Variants in RGS3 observed in about 807,000 individuals in gnomAD.
RGS3 encodes the protein regulator of G-protein signalling 3.
Under a neutral mutation model 132.6 loss-of-function variants are expected in RGS3, and 80 were observed. That is an observed-to-expected ratio of 0.60 (90% CI 0.50 to 0.73). The LOEUF is 0.73. RGS3 is among the 30% of genes least tolerant of loss of function. The probability of loss-of-function intolerance (pLI) is 0.00; values close to 1 mark genes in which losing one functional copy is unlikely to be tolerated. For missense variants in RGS3, 1,382 were observed against 1,530.8 expected (o/e 0.90, Z 1.62); for synonymous variants, 598 against 620.6 (o/e 0.96, Z 0.54).
intron 4 of RGS3, among the ~76,000 whole-genome samples, chr9:113,482,061 C>CA (rs966252374): frequency 1.1e-4 from 16 of 145,612 alleles, no homozygotes; most frequent in Admixed American, 2.0e-4. Flanking sequence ...AAAAAAAAAA[C>CA]AAAAAAAACA....
chr9:113,484,229 T>G, exon 6 of RGS3: 1 of 1,600,546 alleles, frequency 6.2e-7, no homozygotes. Flanking sequence ...GAGCACTTCT[T>G]CTTGTAAGAG....
intron 3 of RGS3, among the ~76,000 whole-genome samples, chr9:113,474,559 G>A (rs1481522555): frequency 6.6e-6 from 1 of 152,124 alleles, no homozygotes; most frequent in Non-Finnish European, 1.5e-5. Context: ...CATCTGGCTG[G>A]GCACCCTCCC....
intron 19 of RGS3, among the ~76,000 whole-genome samples, chr9:113,556,248 T>A (rs992736931): frequency 1.3e-5 from 2 of 152,204 alleles, no homozygotes; most frequent in African/African-American, 4.8e-5. Flanking sequence ...TTGTTTGTTT[T>A]CTTTTGGTAA....
In RGS3 at chr9:113,579,487, G is replaced by T. The variant is rs997449154; in HGVS notation, c.2038-3963G>T. ...ATTAACCTGGTCCAGCCAAGCCAAA[G>T]AAGTGATGGATGGGAAAGACACAGA... On this transcript the variant is annotated intron_variant, in intron 19 of 24. Coordinates refer to ENST00000350696, the Ensembl canonical transcript of RGS3. The surrounding 1 kb of genome is among the most constrained non-coding windows in gnomAD (Gnocchi z 4.3). Among the ~76,000 whole-genome samples, 5 of 152,220 alleles carry T rather than the reference G, an allele frequency of 3.3e-5. No individual in the cohort carries two copies. Among genetic ancestry groups the T allele is most frequent in the Non-Finnish European group, 7.3e-5 (5 of 68,030 alleles).
chr9:113,576,037 A>G (rs1834506799), intron 19 of RGS3, among the ~76,000 whole-genome samples: 1 of 152,076 alleles, frequency 6.6e-6, no homozygotes. Flanking sequence ...CGTCTCTACT[A>G]AAAATACAAA....
chr9:113,540,992 C>G (rs1832878930), intron 19 of RGS3, among the ~76,000 whole-genome samples: 1 of 152,230 alleles, frequency 6.6e-6, no homozygotes, highest in African/African-American at 2.4e-5. Context: ...TGGGAAGATT[C>G]ATCGGGGGCC....
intron 20 of RGS3, among the ~76,000 whole-genome samples, chr9:113,587,002 G>A (rs563835439): frequency 9.5e-4 from 144 of 152,302 alleles, no homozygotes; most frequent in Middle Eastern, 3.4e-3. Flanking sequence ...GGGTAGTACT[G>A]GCTGTGCCGC....
chr9:113,507,148 C>T lies in RGS3; in HGVS notation c.1086-139C>T, dbSNP rs1831164391. 7.4e-6 allele frequency: 5 copies of T among 675,048 alleles called. No homozygotes were observed. The East Asian group carries it at 1.4e-4, about 18-fold the overall frequency. 41.8% of individuals were successfully genotyped at this position (675,048 alleles called of 1,614,324 possible). On this transcript the variant is annotated intron_variant, in intron 12 of 24. Coordinates refer to ENST00000350696, the Ensembl canonical transcript of RGS3. The surrounding 1 kb of genome is among the most constrained non-coding windows in gnomAD (Gnocchi z 5.0). ...CTTTAAATGGCTTCTTGCATCCCTT[C>T]CTGCCCTGACACTGGGGGCTTCCCC...
At chr9:113,510,383 C>A (rs1295104403) in intron 14 of RGS3, among the ~76,000 whole-genome samples, 1 of 152,246 alleles carries the variant, frequency 6.6e-6, no homozygotes, top group East Asian at 1.9e-4. Context: ...TCATTAGGGT[C>A]AAGGCCTGGG....
exon 25 of RGS3, chr9:113,597,251 C>A: frequency 3.5e-6 from 1 of 288,714 alleles, no homozygotes; most frequent in Non-Finnish European, 6.5e-6. Flanking sequence ...GCGGAGACCG[C>A]GGAGGCTTCG....
chr9:113,532,913 C>T (rs189824350), intron 18 of RGS3, among the ~76,000 whole-genome samples: 7 of 152,328 alleles, frequency 4.6e-5, no homozygotes, highest in Non-Finnish European at 8.8e-5. Context: ...CAGCTACCTA[C>T]AGAATTTCTC....
rs921577109 is a variant in RGS3, at chr9:113,463,503, C to T, written c.415+1302C>T. On this transcript the variant is annotated intron_variant, in intron 3 of 24. Transcript: ENST00000350696. The surrounding 1 kb of genome is among the most constrained non-coding windows in gnomAD (Gnocchi z 4.6). ...TCCAACCGGGAGCGCGGTGCTGGGG[C>T]CGGGATACCCGGGGTGGCCGCACCG... 3.3e-5 allele frequency among the ~76,000 whole-genome samples: 5 copies of T among 152,166 alleles called. No homozygotes were observed. The highest frequency in any genetic ancestry group is 5.9e-5 in the Non-Finnish European group (4 of 68,012).
rs1226691424 is a variant in RGS3, at chr9:113,569,578, TTTCCTTCCTTCC to T, written c.2038-13819_2038-13808del. Among the ~76,000 whole-genome samples, 669 of 88,948 alleles carry T rather than the reference TTTCCTTCCTTCC, an allele frequency of 7.5e-3. 4 individuals carry two copies. The highest frequency in any genetic ancestry group is 0.015 in the South Asian group (34 of 2,288). 58.4% of individuals were successfully genotyped at this position (88,948 alleles called of 152,430 possible). A position where few individuals can be genotyped will look rare whatever the true frequency, so the allele number is the denominator to read the frequency against. On this transcript the variant is annotated intron_variant, in intron 19 of 24. Coordinates refer to ENST00000350696, the Ensembl canonical transcript of RGS3. ...TGTCTCCCTTCCGTGTCTTTCCTTC[TTTCCTTCCTTCC>T]TTCCTTCCTTCCTTCCTTCCTTCCT... is the stretch of plus-strand genomic sequence containing the variant.
At chr9:113,551,781 C>A (rs1833351327) in intron 19 of RGS3, among the ~76,000 whole-genome samples, 1 of 152,144 alleles carries the variant, frequency 6.6e-6, no homozygotes. Flanking sequence ...ATTGCTTGAA[C>A]CTGGGAGGTG....
At chr9:113,445,769 C>G (rs1342487284) in intron 1 of RGS3, among the ~76,000 whole-genome samples, 1 of 152,162 alleles carries the variant, frequency 6.6e-6, no homozygotes, top group Non-Finnish European at 1.5e-5. Flanking sequence ...ACCTCCGCCG[C>G]CTGGGTTCAA....
chr9:113,453,069 A>G (rs571241440), intron 1 of RGS3, among the ~76,000 whole-genome samples: 2 of 135,250 alleles, frequency 1.5e-5, no homozygotes, highest in South Asian at 4.4e-4. Flanking sequence ...TATACATTAT[A>G]TATATTTATA....
intron 19 of RGS3, chr9:113,581,116 G>A (rs1270038387): frequency 2.4e-6 from 1 of 415,552 alleles, no homozygotes; most frequent in East Asian, 1.6e-4. Context: ...TTCTCCTGAT[G>A]GAGAATGCTC....
chr9:113,499,646 T>G (rs72761964), intron 10 of RGS3, among the ~76,000 whole-genome samples: 21,782 of 152,280 alleles, frequency 0.14, 1,704 homozygotes, highest in African/African-American at 0.2. Context: ...GGCTGGGCCC[T>G]GTGCTGGGTG....
At chr9:113,548,958 G>A (rs780764133) in intron 19 of RGS3, among the ~76,000 whole-genome samples, 1 of 152,178 alleles carries the variant, frequency 6.6e-6, no homozygotes, top group Non-Finnish European at 1.5e-5. Context: ...TCAGCCAGCC[G>A]GCTGTCCAGT....
Sources: allele counts gnomAD v4.1 joint callset (sites outside exome capture counted in the v4.1 genomes callset), GRCh38; gene constraint gnomAD v4.1.1; non-coding constraint Gnocchi (gnomAD v3.1); transcripts MANE v1.5; gene names NCBI Gene and HGNC (gene_info 2026-07-23, HGNC 2026-07-21).